The following IMMP2L variants were observed in gnomAD, a reference collection of about 807,000 sequenced individuals.
IMMP2L encodes mitochondrial inner membrane protease subunit 2.
Under a neutral mutation model 19.3 loss-of-function variants are expected in IMMP2L, and 18 were observed. The observed-to-expected ratio is 0.93, with a 90% confidence interval of 0.64 to 1.38. The LOEUF is 1.38. Among genes scored for constraint, IMMP2L ranks in the 40% most tolerant of loss-of-function variants. The pLI, the probability that IMMP2L is intolerant of heterozygous loss-of-function variation, is 0.00. For synonymous variants in IMMP2L, 76 were observed against 73.0 expected, an observed-to-expected ratio of 1.04 and a Z score of -0.21; for missense variants, 233 against 218.2, an observed-to-expected ratio of 1.07 and a Z score of -0.43.
chr7:111,357,236 A>C (rs10252629), intron 3 of IMMP2L, among the ~76,000 whole-genome samples: 3,801 of 152,246 alleles, frequency 0.025, 178 homozygotes, highest in African/African-American at 0.086. Flanking sequence ...AACTCATTTA[A>C]AACCTATTTT....
chr7:110,811,238 T>C (rs117368797), intron 5 of IMMP2L, among the ~76,000 whole-genome samples: 2,285 of 152,210 alleles, frequency 0.015, 31 homozygotes, highest in South Asian at 0.034. Context: ...TCTATTTTTA[T>C]AACACTGTAA....
chr7:111,363,999 TC>T (rs145389765), intron 3 of IMMP2L, among the ~76,000 whole-genome samples: 1,714 of 151,272 alleles, frequency 0.011, 40 homozygotes, highest in African/African-American at 0.04. Flanking sequence ...TCATGTAAGA[TC>T]CCCCCCCACA....
intron 3 of IMMP2L, among the ~76,000 whole-genome samples, chr7:111,152,318 A>T (rs572051907): frequency 6.6e-6 from 1 of 152,236 alleles, no homozygotes; most frequent in African/African-American, 2.4e-5. Context: ...CCACTGCATT[A>T]CCGTTATTTA....
chr7:110,967,123 T>C (rs1195350353), intron 3 of IMMP2L, among the ~76,000 whole-genome samples: 1 of 152,104 alleles, frequency 6.6e-6, no homozygotes, highest in African/African-American at 2.4e-5. Flanking sequence ...GAGCCTAGAA[T>C]TGTTTCTTTA....
chr7:110,833,008 C>T (rs979005787), intron 5 of IMMP2L, among the ~76,000 whole-genome samples: 4 of 152,178 alleles, frequency 2.6e-5, no homozygotes, highest in African/African-American at 9.7e-5. Flanking sequence ...TCCCCTCTGC[C>T]ACATTCTACC....
intron 3 of IMMP2L, among the ~76,000 whole-genome samples, chr7:111,049,042 T>G (rs1792728354): frequency 6.6e-6 from 1 of 150,512 alleles, no homozygotes; most frequent in Non-Finnish European, 1.5e-5. Flanking sequence ...GCCAAATACC[T>G]CCAGGCATCT....
chr7:111,319,967 T>C (rs904284025), intron 3 of IMMP2L, among the ~76,000 whole-genome samples: 1 of 152,078 alleles, frequency 6.6e-6, no homozygotes, highest in Non-Finnish European at 1.5e-5. Flanking sequence ...TGGAGCTCTT[T>C]CTTCCCTTGT....
At chr7:110,699,754 ACT>A (rs1320781199) in intron 5 of IMMP2L, among the ~76,000 whole-genome samples, 1 of 109,530 alleles carries the variant, frequency 9.1e-6, no homozygotes, top group Non-Finnish European at 1.9e-5. Flanking sequence ...GGTGACTGAG[ACT>A]CTACCTCAAA....
At chr7:110,852,361 G>C (rs977490498) in intron 5 of IMMP2L, among the ~76,000 whole-genome samples, 4 of 152,022 alleles carry the variant, frequency 2.6e-5, no homozygotes, top group Admixed American at 6.6e-5. Flanking sequence ...GACAAATACA[G>C]TTCATTACTC....
intron 5 of IMMP2L, among the ~76,000 whole-genome samples, chr7:110,770,991 C>T (rs939197011): frequency 1.3e-5 from 2 of 152,074 alleles, no homozygotes; most frequent in African/African-American, 4.8e-5. Context: ...CAGGGTCTAT[C>T]AGGGATACTC....
At chr7:111,114,482 A>G (rs985475166) in intron 3 of IMMP2L, among the ~76,000 whole-genome samples, 1 of 152,186 alleles carries the variant, frequency 6.6e-6, no homozygotes, top group African/African-American at 2.4e-5. Flanking sequence ...CCACACCTGT[A>G]ATCCCAGCAC....
At chr7:111,146,427 AT>A (rs1444821836) in intron 3 of IMMP2L, among the ~76,000 whole-genome samples, 5 of 152,120 alleles carry the variant, frequency 3.3e-5, no homozygotes, top group African/African-American at 9.7e-5. Flanking sequence ...CTAAAGAAAA[AT>A]AAGCATACTT....
intron 3 of IMMP2L, among the ~76,000 whole-genome samples, chr7:111,485,699 T>A (rs187713773): frequency 5.3e-4 from 81 of 151,592 alleles, no homozygotes; most frequent in Non-Finnish European, 1.1e-3. Flanking sequence ...AGTTAATGTA[T>A]ATAATAAATA....
intron 5 of IMMP2L, among the ~76,000 whole-genome samples, chr7:110,774,860 T>C (rs1799272319): frequency 2.0e-5 from 3 of 152,086 alleles, no homozygotes; most frequent in Admixed American, 2.0e-4. Context: ...CTGCATTTAG[T>C]GATGCGTGAC....
At chr7:111,315,035 T>C (rs1438471372) in intron 3 of IMMP2L, among the ~76,000 whole-genome samples, 1 of 152,146 alleles carries the variant, frequency 6.6e-6, no homozygotes, top group Admixed American at 6.6e-5. Flanking sequence ...TATACGTGCA[T>C]ATCTCACCCA....
chr7:111,357,916 T>C (rs1828875737), intron 3 of IMMP2L, among the ~76,000 whole-genome samples: 1 of 151,854 alleles, frequency 6.6e-6, no homozygotes, highest in Admixed American at 6.6e-5. Context: ...ACTGCTATAA[T>C]GCCTCCTACA....
chr7:111,311,089 C>A (rs755630437), intron 3 of IMMP2L, among the ~76,000 whole-genome samples: 4 of 152,124 alleles, frequency 2.6e-5, no homozygotes, highest in Non-Finnish European at 2.9e-5. Flanking sequence ...AGTTCCAGGG[C>A]TTTCCACTTG....
chr7:110,976,455 C>G (rs972373251), intron 3 of IMMP2L, among the ~76,000 whole-genome samples: 24 of 152,018 alleles, frequency 1.6e-4, no homozygotes, highest in African/African-American at 5.8e-4. Context: ...TCATGATTTA[C>G]ACTAGTCATT....
chr7:110,698,475 A>G (rs1272381612), intron 5 of IMMP2L, among the ~76,000 whole-genome samples: 1 of 152,218 alleles, frequency 6.6e-6, no homozygotes, highest in Non-Finnish European at 1.5e-5. Context: ...GTAAAAGGAC[A>G]GGTGGATGGA....
Sources: allele counts gnomAD v4.1 joint callset (sites outside exome capture counted in the v4.1 genomes callset), GRCh38; gene constraint gnomAD v4.1.1; transcripts MANE v1.5; gene names NCBI Gene and HGNC (gene_info 2026-07-23, HGNC 2026-07-21).